The following KCTD16 variants were observed in gnomAD, a reference collection of about 807,000 sequenced individuals.
The protein encoded by KCTD16 is potassium channel tetramerization domain containing 16.
KCTD16 carries 13 observed loss-of-function variants against 33.2 expected under a neutral mutation model. That is an observed-to-expected ratio of 0.39 (90% CI 0.25 to 0.62). The LOEUF (loss-of-function observed/expected upper bound fraction) is 0.62, where lower values mean the gene tolerates loss of function less well. Ranked by LOEUF, KCTD16 falls within the 20% of genes least tolerant of loss-of-function variation. The pLI is 0.50. For missense variants in KCTD16, 441 were observed against 525.1 expected, an observed-to-expected ratio of 0.84 and a Z score of 1.57; for synonymous variants, 197 against 195.3, an observed-to-expected ratio of 1.01 and a Z score of -0.07.
intron 2 of KCTD16, among the ~76,000 whole-genome samples, chr5:144,202,662 C>G (rs1459656890): frequency 6.6e-6 from 1 of 152,150 alleles, no homozygotes; most frequent in Non-Finnish European, 1.5e-5. Flanking sequence ...GTTAGCAAAG[C>G]AAGTGTTTAT....
intron 3 of KCTD16, among the ~76,000 whole-genome samples, chr5:144,305,129 G>A (rs1286722973): frequency 6.6e-6 from 1 of 151,972 alleles, no homozygotes; most frequent in African/African-American, 2.4e-5. Flanking sequence ...ACTGATTAAG[G>A]TTAAGACCCT....
At chr5:144,385,340 A>G (rs919610746) in intron 3 of KCTD16, 1 of 152,190 alleles carries the variant, frequency 6.6e-6, no homozygotes, top group Non-Finnish European at 1.5e-5. Context: ...AGAACATGAC[A>G]TATGCATTTG....
At chr5:144,362,185 G>A (rs576819505) in intron 3 of KCTD16, among the ~76,000 whole-genome samples, 2 of 152,244 alleles carry the variant, frequency 1.3e-5, no homozygotes, top group African/African-American at 4.8e-5. Flanking sequence ...GTACAGAAAT[G>A]AGAATTACCC....
intron 3 of KCTD16, among the ~76,000 whole-genome samples, chr5:144,291,085 C>G (rs1442870714): frequency 6.6e-6 from 1 of 152,026 alleles, no homozygotes; most frequent in Admixed American, 6.6e-5. Context: ...GGGTCTAAAG[C>G]CAAAAAGCAT....
chr5:144,365,951 A>G (rs114246427), intron 3 of KCTD16, among the ~76,000 whole-genome samples: 324 of 152,264 alleles, frequency 2.1e-3, no homozygotes, highest in African/African-American at 7.5e-3. Flanking sequence ...TGTTTATATA[A>G]ACATTAGTGC....
chr5:144,193,142 C>T (rs1038931581), intron 2 of KCTD16, among the ~76,000 whole-genome samples: 12 of 152,188 alleles, frequency 7.9e-5, no homozygotes, highest in South Asian at 2.1e-4. Context: ...CACTGATCTC[C>T]CTACAACTAA....
chr5:144,191,435 C>T (rs983488359), intron 2 of KCTD16, among the ~76,000 whole-genome samples: 4 of 151,940 alleles, frequency 2.6e-5, no homozygotes, highest in South Asian at 2.1e-4. Context: ...CTGCTGCTCC[C>T]CTCCATATAC....
At chr5:144,363,835 C>T (rs1751772345) in intron 3 of KCTD16, among the ~76,000 whole-genome samples, 1 of 152,166 alleles carries the variant, frequency 6.6e-6, no homozygotes, top group South Asian at 2.1e-4. Context: ...CTCTTTGAAC[C>T]TCTTTCCTGG....
chr5:144,185,181 A>G (rs984293163), intron 2 of KCTD16, among the ~76,000 whole-genome samples: 3 of 152,194 alleles, frequency 2.0e-5, no homozygotes, highest in African/African-American at 7.2e-5. Context: ...TAGAGTGAGG[A>G]TGGGTACCTA....
chr5:144,383,569 A>G (rs184946877), intron 3 of KCTD16, among the ~76,000 whole-genome samples: 4 of 152,210 alleles, frequency 2.6e-5, no homozygotes, highest in Admixed American at 2.0e-4. Flanking sequence ...GAAACATTCT[A>G]AAGTAATTAG....
intron 3 of KCTD16, among the ~76,000 whole-genome samples, chr5:144,216,613 G>A (rs1322321096): frequency 1.3e-5 from 2 of 152,160 alleles, no homozygotes; most frequent in Admixed American, 1.3e-4. Flanking sequence ...GGGGACTGAG[G>A]TGGGTGGATT....
chr5:144,364,862 C>T (rs1011816809), intron 3 of KCTD16, among the ~76,000 whole-genome samples: 1 of 152,100 alleles, frequency 6.6e-6, no homozygotes, highest in Non-Finnish European at 1.5e-5. Context: ...GAGACAGGTT[C>T]CATGCTATTT....
chr5:144,275,908 G>T lies in KCTD16; in HGVS notation c.832+68362G>T, dbSNP rs185186214. Among the ~76,000 whole-genome samples, 915 of 152,230 alleles carry T rather than the reference G, an allele frequency of 6.0e-3. 4 individuals are homozygous for T. The highest frequency in any genetic ancestry group is 0.01 in the Non-Finnish European group (700 of 68,018). ...TTCTTACAACAAGCTGTACCATGACGAAAGCCTTTCTTGACAAGGTTGGGT... is the reference window on the plus strand; with the variant it reads ...TTCTTACAACAAGCTGTACCATGACTAAAGCCTTTCTTGACAAGGTTGGGT... On this transcript the variant is annotated intron_variant, in intron 3 of 3. Transcript: ENST00000512467.
chr5:144,373,800 G>T (rs950540770), intron 3 of KCTD16, among the ~76,000 whole-genome samples: 1 of 152,140 alleles, frequency 6.6e-6, no homozygotes, highest in Admixed American at 6.5e-5. Context: ...TTTAATAATT[G>T]GTAAGATGAG....
intron 3 of KCTD16, among the ~76,000 whole-genome samples, chr5:144,459,274 C>T (rs893488116): frequency 2.6e-5 from 4 of 152,208 alleles, no homozygotes; most frequent in African/African-American, 9.6e-5. Context: ...TCACTATCAT[C>T]TCTTGCCTGA....
intron 3 of KCTD16, among the ~76,000 whole-genome samples, chr5:144,434,550 G>GTTAC (rs1014996041): frequency 6.6e-6 from 1 of 152,050 alleles, no homozygotes; most frequent in African/African-American, 2.4e-5. Context: ...TTTATTAATA[G>GTTAC]TTACCATGTT....
chr5:144,296,107 T>C (rs546887188), intron 3 of KCTD16, among the ~76,000 whole-genome samples: 1 of 152,296 alleles, frequency 6.6e-6, no homozygotes, highest in East Asian at 1.9e-4. Context: ...CTTTCTGCTA[T>C]TGCATGCAAA....
Position 144,254,502 on chromosome 5 carries a change from A to G in KCTD16, c.832+46956A>G, listed in dbSNP as rs529022750. Reference sequence around the variant, plus strand: ...GAAATATGCTGTATTTTATTGACTTACATGCCCTTAAAAAAATGCTAAAAA... The same window carrying G: ...GAAATATGCTGTATTTTATTGACTTGCATGCCCTTAAAAAAATGCTAAAAA... On this transcript the variant is annotated intron_variant, in intron 3 of 3. Coordinates refer to ENST00000512467, the MANE Select transcript of KCTD16 (RefSeq NM_020768.4). Among the ~76,000 whole-genome samples, 22 of 152,270 alleles carry G rather than the reference A, an allele frequency of 1.4e-4. No homozygotes were observed. In the South Asian group the frequency reaches 4.3e-3, roughly 30 times the overall value.
At chr5:144,303,788 C>G (rs148022699) in intron 3 of KCTD16, among the ~76,000 whole-genome samples, 180 of 152,222 alleles carry the variant, frequency 1.2e-3, no homozygotes, top group African/African-American at 4.2e-3. Context: ...TCCTCTCCTG[C>G]CTTCACCTTC....
Sources: gnomAD v4.1 joint callset for allele counts (sites outside exome capture counted in the v4.1 genomes callset) on GRCh38, gnomAD v4.1.1 for gene constraint, MANE v1.5 for transcripts, NCBI Gene and HGNC (gene_info 2026-07-23, HGNC 2026-07-21) for gene names.